The following NREP variants were observed in gnomAD, a reference collection of about 807,000 sequenced individuals.
The protein encoded by NREP is neuronal regeneration related protein.
In NREP, 5 loss-of-function variants were observed where a neutral mutation model predicts 8.6. The observed-to-expected ratio is 0.58, with a 90% CI of 0.30 to 1.22. The LOEUF (loss-of-function observed/expected upper bound fraction) is 1.22, where lower values mean the gene tolerates loss of function less well. Among genes scored for constraint, NREP ranks in the 50% most tolerant of loss-of-function variants. The pLI is 0.07. For synonymous variants in NREP, 27 were observed against 28.0 expected (o/e 0.96, Z 0.11); for missense variants, 86 against 82.5 (o/e 1.04, Z -0.17).
intron 2 of NREP, among the ~76,000 whole-genome samples, chr5:111,878,379 G>C (rs908706235): frequency 3.9e-5 from 6 of 152,262 alleles, no homozygotes; most frequent in Non-Finnish European, 8.8e-5. Flanking sequence ...CGGCAGGTGA[G>C]AGAGAGCAAC....
intron 2 of NREP, among the ~76,000 whole-genome samples, chr5:111,879,659 C>T (rs10075625): frequency 0.11 from 16,998 of 152,124 alleles, 1,436 homozygotes; most frequent in African/African-American, 0.23. Context: ...GTTGCCGTAA[C>T]GATATACCGT....
At chr5:111,862,000 T>C (rs1453889519) in intron 2 of NREP, among the ~76,000 whole-genome samples, 2 of 152,222 alleles carry the variant, frequency 1.3e-5, no homozygotes, top group Non-Finnish European at 2.9e-5. Context: ...TAAATACTTA[T>C]AAAACTTATT....
chr5:111,738,142 G>C (rs1055548071), intron 2 of NREP, among the ~76,000 whole-genome samples: 3 of 152,316 alleles, frequency 2.0e-5, no homozygotes, highest in Admixed American at 2.0e-4. Context: ...AGCACAGCTA[G>C]TTTTAAGAAA....
At chr5:111,928,940 G>A (rs151279386) in intron 2 of NREP, among the ~76,000 whole-genome samples, 101 of 152,138 alleles carry the variant, frequency 6.6e-4, no homozygotes, top group African/African-American at 2.4e-3. Context: ...AAAAACCCTA[G>A]AGTAATATTT....
At chr5:111,731,483 A>G (rs1047368969) in intron 3 of NREP, among the ~76,000 whole-genome samples, 3 of 150,368 alleles carry the variant, frequency 2.0e-5, no homozygotes, top group African/African-American at 4.9e-5. Context: ...TTAACAATCT[A>G]TTTTCTAATA....
intron 2 of NREP, chr5:111,939,950 A>C (rs904448515): frequency 2.6e-5 from 4 of 152,110 alleles, no homozygotes; most frequent in African/African-American, 9.6e-5. Flanking sequence ...TACTGTTATC[A>C]CAGGCTTATA....
chr5:111,966,715 T>C (rs1223631216), intron 2 of NREP, among the ~76,000 whole-genome samples: 1 of 152,208 alleles, frequency 6.6e-6, no homozygotes, highest in Non-Finnish European at 1.5e-5. Flanking sequence ...AAGAAATTCC[T>C]TTTACTTTAT....
At chr5:111,944,184 C>A (rs1755912029) in intron 2 of NREP, among the ~76,000 whole-genome samples, 1 of 152,040 alleles carries the variant, frequency 6.6e-6, no homozygotes, top group Non-Finnish European at 1.5e-5. Flanking sequence ...TTTGAGACCA[C>A]CAATTTTTGT....
chr5:111,788,264 T>C (rs1274710794), intron 2 of NREP, among the ~76,000 whole-genome samples: 1 of 152,220 alleles, frequency 6.6e-6, no homozygotes, highest in African/African-American at 2.4e-5. Flanking sequence ...TGATCAAAAA[T>C]GTCTAACATA....
intron 2 of NREP, among the ~76,000 whole-genome samples, chr5:111,877,766 G>C (rs17133845): frequency 0.054 from 8,148 of 152,214 alleles, 515 homozygotes; most frequent in East Asian, 0.23. Context: ...TTACGTTTTA[G>C]GTTTTACAGT....
At chr5:111,911,546 G>A (rs1292165912) in intron 2 of NREP, among the ~76,000 whole-genome samples, 2 of 152,028 alleles carry the variant, frequency 1.3e-5, no homozygotes, top group African/African-American at 4.8e-5. Flanking sequence ...CCCTCCAGGA[G>A]TGAGCTGGAG....
intron 2 of NREP, among the ~76,000 whole-genome samples, chr5:111,828,453 A>G (rs1001798257): frequency 3.3e-5 from 5 of 152,122 alleles, no homozygotes; most frequent in Non-Finnish European, 7.4e-5. Flanking sequence ...AAAATTGTTG[A>G]GTATATGTAT....
chr5:111,743,740 A>T (rs552184449), intron 2 of NREP, among the ~76,000 whole-genome samples: 8 of 152,310 alleles, frequency 5.3e-5, no homozygotes, highest in African/African-American at 1.7e-4. Context: ...TCCAAGGTTA[A>T]TAGGAAACAT....
intron 2 of NREP, among the ~76,000 whole-genome samples, chr5:111,965,115 C>G (rs1369717704): frequency 6.6e-6 from 1 of 151,988 alleles, no homozygotes; most frequent in South Asian, 2.1e-4. Flanking sequence ...GAGATAGCTG[C>G]AACAGCTCCA....
intron 2 of NREP, among the ~76,000 whole-genome samples, chr5:111,903,682 T>C (rs969922701): frequency 6.6e-6 from 1 of 152,096 alleles, no homozygotes; most frequent in African/African-American, 2.4e-5. Context: ...TTTTTTGATG[T>C]TTCTTATGGG....
intron 2 of NREP, among the ~76,000 whole-genome samples, chr5:111,951,801 A>G (rs1054315569): frequency 2.6e-5 from 4 of 152,070 alleles, no homozygotes; most frequent in Admixed American, 6.6e-5. Context: ...TTGTGGTTTC[A>G]TTTTAAATAT....
chr5:111,873,343 A>G (rs1396728123), intron 2 of NREP, among the ~76,000 whole-genome samples: 2 of 152,182 alleles, frequency 1.3e-5, no homozygotes, highest in African/African-American at 4.8e-5. Flanking sequence ...CAAACTTATT[A>G]TCTAATTGCT....
intron 2 of NREP, among the ~76,000 whole-genome samples, chr5:111,891,873 C>A (rs1581196954): frequency 6.6e-6 from 1 of 152,116 alleles, no homozygotes; most frequent in South Asian, 2.1e-4. Flanking sequence ...CAATCACCTC[C>A]CCTCAAGCCC....
At chr5:111,973,776 A>G (rs1256122016) in intron 2 of NREP, among the ~76,000 whole-genome samples, 1 of 152,210 alleles carries the variant, frequency 6.6e-6, no homozygotes, top group East Asian at 1.9e-4. Context: ...ACAAGCCTAA[A>G]TCAAAGCACT....
Sources: allele counts gnomAD v4.1 joint callset (sites outside exome capture counted in the v4.1 genomes callset), GRCh38; gene constraint gnomAD v4.1.1; transcripts MANE v1.5; gene names NCBI Gene and HGNC (gene_info 2026-07-23, HGNC 2026-07-21).